KTN1: variants seen among roughly 807,000 people sequenced by gnomAD.
KTN1 encodes kinectin.
Under a neutral mutation model 222.5 loss-of-function variants are expected in KTN1, and 130 were observed. The observed-to-expected ratio is 0.58, with a 90% CI of 0.51 to 0.68. The LOEUF is 0.68. Among genes scored for constraint, KTN1 ranks in the 30% least tolerant of loss-of-function variants. KTN1 has a pLI of 0.00. For missense variants in KTN1, 1,508 were observed against 1,500.4 expected (o/e 1.01, Z -0.08); for synonymous variants, 512 against 496.3 (o/e 1.03, Z -0.42).
Position 55,679,552 on chromosome 14 carries a change from ATCT to A in KTN1, c.3949-8_3949-6del, listed in dbSNP as rs1297509020. The A allele has an allele frequency of 6.3e-7, 1 of 1,597,622 alleles. No individual in the cohort carries two copies. Among genetic ancestry groups the A allele is most frequent in the Middle Eastern group, 1.7e-4 (1 of 6,024 alleles). Reference sequence around the variant, plus strand: ...GTGTATGGAGTTTATCATCACTTCCATCTTCTTTTTAGGAGTCTTCTGAGAAGG... The same window carrying A: ...GTGTATGGAGTTTATCATCACTTCCATCTTTTTAGGAGTCTTCTGAGAAGG... On this transcript the variant is annotated splice_polypyrimidine_tract_variant and intron_variant, in intron 42 of 43. Transcript: ENST00000395314.
chr14:55,677,177 T>TA (rs35641148), intron 41 of KTN1, among the ~76,000 whole-genome samples: 2 of 152,134 alleles, frequency 1.3e-5, no homozygotes, highest in Non-Finnish European at 2.9e-5. Flanking sequence ...AATATTTGAC[T>TA]AAAAAAAGTT....
At chr14:55,675,941 A>G in intron 41 of KTN1, 23 bp downstream of exon 41, 2 of 1,493,000 alleles carry the variant, frequency 1.3e-6, no homozygotes, top group Non-Finnish European at 1.9e-6. Flanking sequence ...CGTCCTAGAG[A>G]TGTAGTATCA....
rs935646567 is a variant in KTN1, at chr14:55,640,523, A to G, written c.1983+81A>G. 7.4e-6 allele frequency: 7 copies of G among 942,494 alleles called. No individual in the cohort carries two copies. In the Admixed American group the frequency reaches 9.7e-5, roughly 13 times the overall value. 58.4% of individuals were successfully genotyped at this position (942,494 alleles called of 1,614,324 possible). On this transcript the variant is annotated intron_variant, in intron 15 of 43. Transcript: ENST00000395314. ...ATTTTCATTGATATTGTGAGCCCCA[A>G]TTTGATTGTGTAAGTAAAAAATATA...
At chr14:55,666,337 C>T (rs1372079955) in intron 33 of KTN1, among the ~76,000 whole-genome samples, 1 of 151,740 alleles carries the variant, frequency 6.6e-6, no homozygotes, top group Non-Finnish European at 1.5e-5. Flanking sequence ...GCTTGCTTGC[C>T]TTCTTGTCAC....
chr14:55,680,874 A>G (rs546123482), intron 43 of KTN1: 2 of 417,120 alleles, frequency 4.8e-6, no homozygotes, highest in Admixed American at 3.4e-5. Context: ...CCAATGTAAA[A>G]ATTCTGCCAC....
chr14:55,609,954 G>A (rs1262516679), intron 1 of KTN1, among the ~76,000 whole-genome samples: 3 of 152,180 alleles, frequency 2.0e-5, no homozygotes, highest in Non-Finnish European at 4.4e-5. Flanking sequence ...ACAGTGAAAT[G>A]TGTCTAATTT....
At chr14:55,583,526 A>G (rs554625239) in intron 1 of KTN1, among the ~76,000 whole-genome samples, 9 of 152,342 alleles carry the variant, frequency 5.9e-5, no homozygotes, top group African/African-American at 1.9e-4. Context: ...TTTGTACACT[A>G]AATGTAATTT....
At chr14:55,651,561 A>T (rs565238098) in intron 24 of KTN1, 1 of 369,630 alleles carries the variant, frequency 2.7e-6, no homozygotes, top group East Asian at 6.3e-5. Context: ...TGGTGTTTAC[A>T]ACTGATTGAT....
chr14:55,654,963 T>A (rs574212247), intron 28 of KTN1, among the ~76,000 whole-genome samples: 1 of 152,144 alleles, frequency 6.6e-6, no homozygotes, highest in Non-Finnish European at 1.5e-5. Flanking sequence ...AGTATATGGC[T>A]TTTCTGGTTT....
chr14:55,633,905 G>A (rs1192930831), intron 8 of KTN1, among the ~76,000 whole-genome samples: 2 of 152,118 alleles, frequency 1.3e-5, no homozygotes, highest in African/African-American at 2.4e-5. Flanking sequence ...TTGGGAGGCC[G>A]AGGCAGGCGG....
At chr14:55,674,299 A>T (rs1206483669) in intron 40 of KTN1, 3 of 151,962 alleles carry the variant, frequency 2.0e-5, no homozygotes, top group Admixed American at 2.0e-4. Context: ...CTTGCTCTGT[A>T]TGTGTCCCTT....
chr14:55,650,736 T>C (rs527404588), intron 24 of KTN1, 99 bp downstream of exon 24: 2 of 802,960 alleles, frequency 2.5e-6, no homozygotes, highest in Middle Eastern at 3.5e-4. Flanking sequence ...CTTAGTATGC[T>C]GTAGGTATAT....
intron 5 of KTN1, 23 bp from the exon 6 acceptor site, chr14:55,627,889 C>G (rs772756995): frequency 3.1e-5 from 41 of 1,340,950 alleles, no homozygotes; most frequent in Middle Eastern, 1.8e-4. Context: ...ATTACTAATT[C>G]TGCATTGCTT....
At chr14:55,589,384 T>G (rs1218510871) in intron 1 of KTN1, among the ~76,000 whole-genome samples, 1 of 150,822 alleles carries the variant, frequency 6.6e-6, no homozygotes, top group Non-Finnish European at 1.5e-5. Flanking sequence ...CTGCAACCTC[T>G]GACTCACTGC....
At chr14:55,589,321 C>T (rs1313161244) in intron 1 of KTN1, among the ~76,000 whole-genome samples, 6 of 151,872 alleles carry the variant, frequency 4.0e-5, no homozygotes, top group East Asian at 3.9e-4. Context: ...TTTTTTGAAA[C>T]GGCGTCTCGC....
intron 12 of KTN1, among the ~76,000 whole-genome samples, chr14:55,638,574 A>AT (rs142007022): frequency 0.06 from 9,137 of 151,816 alleles, 380 homozygotes; most frequent in South Asian, 0.09. Flanking sequence ...ATATAAATAT[A>AT]TTTTTCCCAG....
chr14:55,629,928 G>A, intron 6 of KTN1, 29 bp from the exon 7 acceptor site: 1 of 1,449,126 alleles, frequency 6.9e-7, no homozygotes, highest in Non-Finnish European at 9.6e-7. Flanking sequence ...TAAATAACAA[G>A]TTTTTAAATT....
chr14:55,641,103 T>A (rs2041753400), intron 16 of KTN1, 24 bp from the exon 17 acceptor site: 1 of 1,535,444 alleles, frequency 6.5e-7, no homozygotes. Flanking sequence ...TGAAGTATTT[T>A]AATTTTTTTT....
In KTN1 at chr14:55,640,870, GAAA is replaced by G. The variant is rs1232945406; in HGVS notation, c.1984-58_1984-56del. 6 of 1,363,808 alleles carry G rather than the reference GAAA, an allele frequency of 4.4e-6. No homozygotes were observed. In the African/African-American group the frequency reaches 8.7e-5, roughly 20 times the overall value. The allele number at this position is 1,363,808 out of a possible 1,614,324, so 84.5% of individuals were successfully genotyped here. A position where few individuals can be genotyped will look rare whatever the true frequency, so the allele number is the denominator to read the frequency against. On this transcript the variant is annotated intron_variant, in intron 15 of 43. Transcript: ENST00000395314. ...AGCTTTTTAATATGTAAAAATTAGT[GAAA>G]AAAATAGTTTTGAGCACTTCCTGTG...
Sources: allele counts gnomAD v4.1 joint callset (sites outside exome capture counted in the v4.1 genomes callset), GRCh38; gene constraint gnomAD v4.1.1; transcripts MANE v1.5; gene names NCBI Gene and HGNC (gene_info 2026-07-23, HGNC 2026-07-21).